Variants in TMEM170B observed in about 807,000 individuals in gnomAD.
The protein encoded by TMEM170B is transmembrane protein 170B.
Under a neutral mutation model 13.0 loss-of-function variants are expected in TMEM170B, and 6 were observed. That is an observed-to-expected ratio of 0.46 (90% CI 0.25 to 0.91). The LOEUF (loss-of-function observed/expected upper bound fraction) is 0.91. Ranked by LOEUF, TMEM170B falls within the 40% of genes least tolerant of loss-of-function variation. The pLI, the probability that TMEM170B is intolerant of heterozygous loss-of-function variation, is 0.17. For missense variants in TMEM170B, 138 were observed against 165.2 expected (o/e 0.84, Z 0.90); for synonymous variants, 61 against 64.9 (o/e 0.94, Z 0.29).
chr6:11,541,293 G>A (rs1269672655), intron 1 of TMEM170B, among the ~76,000 whole-genome samples: 1 of 152,202 alleles, frequency 6.6e-6, no homozygotes, highest in African/African-American at 2.4e-5. Context: ...TGGAATATCT[G>A]TTGTTTGGGG....
chr6:11,537,917 C>T lies in TMEM170B; in HGVS notation c.-361C>T, dbSNP rs1453969750. Among the ~76,000 whole-genome samples the T allele has an allele frequency of 6.6e-6, 1 of 151,664 alleles. No individual in the cohort carries two copies. The highest frequency in any genetic ancestry group is 1.5e-5 in the Non-Finnish European group (1 of 67,832). ...CCTCCTGGCGTGACCTCGGCCTCCTCGCGTGTCCAGTCCCCGCGGCGCGGC... is the reference window on the plus strand; with the variant it reads ...CCTCCTGGCGTGACCTCGGCCTCCTTGCGTGTCCAGTCCCCGCGGCGCGGC... On this transcript the variant is annotated 5_prime_UTR_variant, in exon 1 of 3. Coordinates refer to ENST00000379426, the MANE Select transcript of TMEM170B (RefSeq NM_001100829.3).
At chr6:11,542,835 T>G (rs550495843) in intron 1 of TMEM170B, among the ~76,000 whole-genome samples, 1 of 152,206 alleles carries the variant, frequency 6.6e-6, no homozygotes, top group Non-Finnish European at 1.5e-5. Flanking sequence ...ACATCTGTCA[T>G]TTGTTGAATG....
rs571170302 is a variant in TMEM170B at position 11,567,214 on chromosome 6, C to T, written c.268+1378C>T. Among the ~76,000 whole-genome samples the T allele has an allele frequency of 2.6e-5, 4 of 152,316 alleles. No individual in the cohort carries two copies. The South Asian group carries it at 8.3e-4, about 32-fold the overall frequency. On this transcript the variant is annotated intron_variant, in intron 2 of 2. Transcript: ENST00000379426. The stretch of plus-strand genomic sequence containing the variant: ...GTACCCTGTTGAGACTGGAGCGTGC[C>T]ACATCTACTTGCTTAGTGTGGTTGT...
At chr6:11,559,081 A>G (rs915150737) in intron 1 of TMEM170B, among the ~76,000 whole-genome samples, 1 of 152,188 alleles carries the variant, frequency 6.6e-6, no homozygotes, top group Admixed American at 6.5e-5. Flanking sequence ...AAGTAGTCAT[A>G]GACTACTATG....
intron 1 of TMEM170B, among the ~76,000 whole-genome samples, chr6:11,544,698 A>G (rs1759407602): frequency 6.6e-6 from 1 of 152,176 alleles, no homozygotes; most frequent in Admixed American, 6.5e-5. Context: ...CTGTCACTTA[A>G]TAACCATTGC....
At position 11,581,648 on chromosome 6, in the gene TMEM170B, C is replaced by G. The variant is rs553876761; in HGVS notation, c.*6087C>G. 5.3e-5 allele frequency: 8 copies of G among 152,236 alleles called. No individual in the cohort carries two copies. In the East Asian group the frequency reaches 1.5e-3, roughly 29 times the overall value. 9.4% of individuals were successfully genotyped at this position (152,236 alleles called of 1,614,324 possible). ...CTTTTTCTCTTATAAATTGGTAGTT[C>G]CTAAAAATCACCACTTTAAAAATTT... On this transcript the variant is annotated 3_prime_UTR_variant, in exon 3 of 3. Transcript: ENST00000379426.
At chr6:11,541,076 A>G (rs553820867) in intron 1 of TMEM170B, among the ~76,000 whole-genome samples, 1 of 152,128 alleles carries the variant, frequency 6.6e-6, no homozygotes, top group Non-Finnish European at 1.5e-5. Flanking sequence ...TTTCATTTAT[A>G]GAGCACAGCC....
chr6:11,550,174 ATTT>A (rs35963481), intron 1 of TMEM170B, among the ~76,000 whole-genome samples: 7 of 139,982 alleles, frequency 5.0e-5, no homozygotes, highest in Admixed American at 1.4e-4. Context: ...GGCTTATATA[ATTT>A]TTTTTTTTTT....
Position 11,537,982 on chromosome 6 carries a change from C to G in TMEM170B, c.-296C>G, listed in dbSNP as rs1340776913. 2.6e-5 allele frequency among the ~76,000 whole-genome samples: 4 copies of G among 151,180 alleles called. No individual in the cohort carries two copies. In the East Asian group the frequency reaches 7.8e-4, roughly 29 times the overall value. ...GGAGCGGCGGCGGCCTCCTCCGCCCCGAGTCCTCGCTCGGGGGCCGCGCGA... is the reference window on the plus strand; with the variant it reads ...GGAGCGGCGGCGGCCTCCTCCGCCCGGAGTCCTCGCTCGGGGGCCGCGCGA... On this transcript the variant is annotated 5_prime_UTR_variant, in exon 1 of 3. Transcript: ENST00000379426.
chr6:11,547,161 C>A (rs1441084492), intron 1 of TMEM170B, among the ~76,000 whole-genome samples: 3 of 152,072 alleles, frequency 2.0e-5, no homozygotes, highest in African/African-American at 7.2e-5. Context: ...CATCATAGTT[C>A]CCTTTTAGGC....
intron 1 of TMEM170B, among the ~76,000 whole-genome samples, chr6:11,562,267 T>A (rs1179683494): frequency 1.1e-4 from 16 of 151,988 alleles, no homozygotes; most frequent in Admixed American, 4.6e-4. Context: ...TTGGGGTTTT[T>A]AAATTTTAAT....
At chr6:11,563,983 A>G (rs1372799230) in intron 1 of TMEM170B, among the ~76,000 whole-genome samples, 1 of 152,168 alleles carries the variant, frequency 6.6e-6, no homozygotes, top group Non-Finnish European at 1.5e-5. Flanking sequence ...AAAAAACAAC[A>G]AAATCATATG....
chr6:11,575,303 G>C lies in TMEM170B; in HGVS notation c.269-128G>C, dbSNP rs777016520. ...TCACAGGGAAACTTTTTCATAGAAA[G>C]TGGATAAAATGAGAAAAAAATGATG... On this transcript the variant is annotated intron_variant, in intron 2 of 2. Coordinates refer to ENST00000379426, the MANE Select transcript of TMEM170B (RefSeq NM_001100829.3). This position sits in a 1 kb window ranked among gnomAD's most constrained non-coding sequence, Gnocchi z 4.1. 1.9e-5 allele frequency: 25 copies of C among 1,285,452 alleles called. No homozygotes were observed. In the South Asian group the frequency reaches 3.4e-4, roughly 18 times the overall value. 79.6% of individuals were successfully genotyped at this position (1,285,452 alleles called of 1,614,324 possible).
In TMEM170B at chr6:11,577,019, T is replaced by A. The variant is rs1481207991; in HGVS notation, c.*1458T>A. 2 of 152,130 alleles carry A rather than the reference T, an allele frequency of 1.3e-5. No homozygotes were observed. Among genetic ancestry groups the A allele is most frequent in the Non-Finnish European group, 2.9e-5 (2 of 67,972 alleles). The allele number at this position is 152,130 out of a possible 1,614,324, so 9.4% of individuals were successfully genotyped here. On this transcript the variant is annotated 3_prime_UTR_variant, in exon 3 of 3. Transcript: ENST00000379426. Reference sequence around the variant, plus strand: ...TAATGTGCTAACTCAAAGGAGACATTGCAGAGAATATGAAGTTAAGGATAA... The same window carrying A: ...TAATGTGCTAACTCAAAGGAGACATAGCAGAGAATATGAAGTTAAGGATAA...
intron 1 of TMEM170B, among the ~76,000 whole-genome samples, chr6:11,550,120 G>A (rs951868644): frequency 3.3e-5 from 5 of 151,752 alleles, no homozygotes; most frequent in Admixed American, 3.3e-4. Context: ...TTACAGGCAC[G>A]AGCCACAGTG....
intron 1 of TMEM170B, among the ~76,000 whole-genome samples, chr6:11,545,614 T>C (rs1189188796): frequency 1.3e-5 from 2 of 152,152 alleles, no homozygotes; most frequent in Non-Finnish European, 1.5e-5. Flanking sequence ...CTGCCTGTTG[T>C]ATAAAAGTAG....
At chr6:11,548,671 C>G (rs1759473671) in intron 1 of TMEM170B, among the ~76,000 whole-genome samples, 2 of 152,146 alleles carry the variant, frequency 1.3e-5, no homozygotes, top group Non-Finnish European at 2.9e-5. Context: ...TTGGAACCAA[C>G]CCACATGTCC....
chr6:11,567,755 A>C (rs556766248), intron 2 of TMEM170B, among the ~76,000 whole-genome samples: 7 of 152,318 alleles, frequency 4.6e-5, no homozygotes, highest in Admixed American at 1.3e-4. Context: ...GGTTTAGCTA[A>C]AGCACATGGT....
At chr6:11,562,721 T>A (rs1299544011) in intron 1 of TMEM170B, among the ~76,000 whole-genome samples, 1 of 152,180 alleles carries the variant, frequency 6.6e-6, no homozygotes, top group East Asian at 1.9e-4. Context: ...GATATTAACA[T>A]TGATGCAATC....
Sources: allele counts gnomAD v4.1 joint callset (sites outside exome capture counted in the v4.1 genomes callset), GRCh38; gene constraint gnomAD v4.1.1; non-coding constraint Gnocchi (gnomAD v3.1); transcripts MANE v1.5; gene names NCBI Gene and HGNC (gene_info 2026-07-23, HGNC 2026-07-21).